The following CAPN5 variants were observed in gnomAD, a reference collection of about 807,000 sequenced individuals.
CAPN5 encodes the protein calpain 5, also known as calpain-5.
In CAPN5, 54 loss-of-function variants were observed where a neutral mutation model predicts 73.0. The observed-to-expected ratio is 0.74, with a 90% CI of 0.59 to 0.93. The LOEUF (loss-of-function observed/expected upper bound fraction) is 0.93, where lower values mean the gene tolerates loss of function less well. Among genes scored for constraint, CAPN5 ranks in the 40% least tolerant of loss-of-function variants. The pLI is 0.00. For missense variants in CAPN5, 785 were observed against 882.9 expected (o/e 0.89, Z 1.41); for synonymous variants, 335 against 356.9 (o/e 0.94, Z 0.69).
intron 1 of CAPN5, among the ~76,000 whole-genome samples, chr11:77,084,487 A>G (rs1226057608): frequency 1.3e-5 from 2 of 152,090 alleles, no homozygotes; most frequent in Non-Finnish European, 2.9e-5. Flanking sequence ...CCTGTGGGAG[A>G]CACACCAGCC....
intron 2 of CAPN5, among the ~76,000 whole-genome samples, chr11:77,090,910 C>G (rs1349172999): frequency 1.3e-5 from 2 of 152,176 alleles, no homozygotes; most frequent in Admixed American, 6.5e-5. Flanking sequence ...TCCCTTCTTC[C>G]TGCCTGTGCT....
intron 9 of CAPN5, 163 bp downstream of exon 9, chr11:77,119,315 A>C: frequency 1.3e-6 from 1 of 771,592 alleles, no homozygotes; most frequent in Non-Finnish European, 2.0e-6. Flanking sequence ...GCCCCACTTG[A>C]ATATTCACAG....
chr11:77,096,307 C>T (rs1206599897), intron 3 of CAPN5, among the ~76,000 whole-genome samples: 1 of 152,212 alleles, frequency 6.6e-6, no homozygotes, highest in African/African-American at 2.4e-5. Context: ...TCGAAGCCAG[C>T]CTGACCTGGA....
chr11:77,071,649 C>T (rs539740312), intron 1 of CAPN5: 8 of 453,980 alleles, frequency 1.8e-5, no homozygotes, highest in African/African-American at 1.4e-4. Context: ...CTGCTTTGCA[C>T]CTCGCTGGCC....
At chr11:77,085,706 C>T (rs1371095137) in intron 2 of CAPN5, among the ~76,000 whole-genome samples, 1 of 152,110 alleles carries the variant, frequency 6.6e-6, no homozygotes, top group African/African-American at 2.4e-5. Flanking sequence ...AAATGTTTGG[C>T]CTCCTGGTGT....
chr11:77,098,272 G>T (rs1198107103), intron 3 of CAPN5, among the ~76,000 whole-genome samples: 1 of 99,062 alleles, frequency 1.0e-5, no homozygotes, highest in Admixed American at 8.8e-5. Flanking sequence ...CTGGCCGGGC[G>T]GGGGGCTGAC....
intron 2 of CAPN5, among the ~76,000 whole-genome samples, chr11:77,092,764 T>C (rs1430657650): frequency 6.6e-6 from 1 of 152,204 alleles, no homozygotes. Flanking sequence ...ATCAGGAGTT[T>C]GAGACCAGCC....
At chr11:77,087,821 T>G in intron 2 of CAPN5, 1 of 1,361,892 alleles carries the variant, frequency 7.3e-7, no homozygotes, top group East Asian at 2.5e-5. Flanking sequence ...GGTTGGGACA[T>G]CCCATCTCCT....
intron 3 of CAPN5, among the ~76,000 whole-genome samples, chr11:77,109,754 G>A (rs941333531): frequency 2.0e-4 from 31 of 152,308 alleles, no homozygotes; most frequent in African/African-American, 7.0e-4. Flanking sequence ...GTGCAGGGGC[G>A]GTGAAGCAGG....
intron 1 of CAPN5, among the ~76,000 whole-genome samples, chr11:77,069,286 T>C (rs1555032649): frequency 2.6e-5 from 4 of 152,198 alleles, no homozygotes; most frequent in Non-Finnish European, 4.4e-5. Context: ...GAACGCATCT[T>C]TCTAAGTACA....
chr11:77,123,550 G>A, intron 12 of CAPN5, 138 bp from the exon 13 acceptor site: 1 of 712,070 alleles, frequency 1.4e-6, no homozygotes, highest in Non-Finnish European at 2.4e-6. Flanking sequence ...TCATGGGGAG[G>A]CAGACAGCCC....
At chr11:77,077,199 A>C (rs537071364) in intron 1 of CAPN5, among the ~76,000 whole-genome samples, 2 of 152,244 alleles carry the variant, frequency 1.3e-5, no homozygotes, top group Admixed American at 1.3e-4. Flanking sequence ...TCTACTAAAA[A>C]TATGAAAATT....
At chr11:77,080,248 C>A (rs1950014734) in intron 1 of CAPN5, among the ~76,000 whole-genome samples, 2 of 152,194 alleles carry the variant, frequency 1.3e-5, no homozygotes, top group Non-Finnish European at 2.9e-5. Context: ...AGCCTTGTTA[C>A]TTAGTAGTGT....
intron 4 of CAPN5, among the ~76,000 whole-genome samples, chr11:77,113,731 A>G (rs1555041128): frequency 7.1e-6 from 1 of 140,758 alleles, no homozygotes; most frequent in African/African-American, 2.8e-5. Flanking sequence ...CACCACCTGG[A>G]TGCAGGTCGA....
At chr11:77,109,956 C>T (rs1651166691) in intron 3 of CAPN5, among the ~76,000 whole-genome samples, 1 of 152,200 alleles carries the variant, frequency 6.6e-6, no homozygotes, top group African/African-American at 2.4e-5. Flanking sequence ...CAGAACAGGG[C>T]AGGAGCAGAA....
chr11:77,109,746 G>A (rs1247543525), intron 3 of CAPN5, among the ~76,000 whole-genome samples: 5 of 152,240 alleles, frequency 3.3e-5, no homozygotes, highest in African/African-American at 9.6e-5. Context: ...CGTGCCAGGT[G>A]CAGGGGCGGT....
intron 3 of CAPN5, among the ~76,000 whole-genome samples, chr11:77,106,202 C>G (rs1458947136): frequency 6.6e-6 from 1 of 152,126 alleles, no homozygotes; most frequent in Non-Finnish European, 1.5e-5. Context: ...GCTGCTGCCC[C>G]CTGGTTTCCC....
chr11:77,076,884 T>C (rs1949975477), intron 1 of CAPN5, among the ~76,000 whole-genome samples: 1 of 152,232 alleles, frequency 6.6e-6, no homozygotes, highest in Non-Finnish European at 1.5e-5. Context: ...TTATACCCAG[T>C]AGTGGGATTG....
intron 3 of CAPN5, among the ~76,000 whole-genome samples, chr11:77,100,273 G>A (rs113487284): frequency 6.1e-4 from 93 of 152,200 alleles, no homozygotes; most frequent in Non-Finnish European, 1.1e-3. Flanking sequence ...GAGGTCTGTG[G>A]ACATCAGTGG....
Sources: allele counts gnomAD v4.1 joint callset (sites outside exome capture counted in the v4.1 genomes callset), GRCh38; gene constraint gnomAD v4.1.1; transcripts MANE v1.5; gene names NCBI Gene and HGNC (gene_info 2026-07-23, HGNC 2026-07-21).